Variants in LTBP1 observed in about 807,000 individuals in gnomAD.
The protein encoded by LTBP1 is latent-transforming growth factor beta-binding protein 1.
Under a neutral mutation model 207.6 loss-of-function variants are expected in LTBP1, and 129 were observed. The ratio of observed to expected loss-of-function variants is 0.62; its 90% CI spans 0.54 to 0.72. The LOEUF (loss-of-function observed/expected upper bound fraction) is 0.72. Among genes scored for constraint, LTBP1 ranks in the 30% least tolerant of loss-of-function variants. LTBP1 has a pLI of 0.00. For missense variants in LTBP1, 2,281 were observed against 2,217.2 expected, an observed-to-expected ratio of 1.03 and a Z score of -0.58; for synonymous variants, 963 against 833.7, an observed-to-expected ratio of 1.16 and a Z score of -2.67.
At chr2:33,315,361 T>C (rs919990046) in intron 24 of LTBP1, 92 bp downstream of exon 24, 2 of 1,476,696 alleles carry the variant, frequency 1.4e-6, no homozygotes, top group Non-Finnish European at 1.9e-6. Context: ...CACTAAGAGG[T>C]ACTGCATAAT....
intron 3 of LTBP1, among the ~76,000 whole-genome samples, chr2:33,103,015 GCTGTATGCATTGT>G (rs1300496292): frequency 2.6e-5 from 4 of 152,080 alleles, no homozygotes; most frequent in Admixed American, 2.6e-4. Context: ...CAGTCTGTAT[GCTGTATGCATTGT>G]CTGTATGCAT....
intron 7 of LTBP1, among the ~76,000 whole-genome samples, chr2:33,212,105 A>G (rs983771991): frequency 1.2e-4 from 19 of 152,200 alleles, no homozygotes; most frequent in Admixed American, 8.5e-4. Context: ...ATGTAGTAAC[A>G]TGGATATTTG....
At chr2:33,387,184 A>G (rs1051175030) in intron 31 of LTBP1, among the ~76,000 whole-genome samples, 27 of 152,236 alleles carry the variant, frequency 1.8e-4, no homozygotes, top group African/African-American at 6.5e-4. Context: ...TGTGGCTTCA[A>G]TATAAAATAT....
At chr2:33,328,912 A>G (rs547645807) in intron 24 of LTBP1, among the ~76,000 whole-genome samples, 33 of 152,316 alleles carry the variant, frequency 2.2e-4, no homozygotes, top group African/African-American at 7.7e-4. Flanking sequence ...TACATTATGT[A>G]TCCATTCTAC....
intron 19 of LTBP1, among the ~76,000 whole-genome samples, chr2:33,287,559 G>T (rs2148722534): frequency 6.6e-6 from 1 of 152,358 alleles, no homozygotes; most frequent in African/African-American, 2.4e-5. Flanking sequence ...TGCACCATAT[G>T]TAGTGGCAGT....
At chr2:33,375,716 T>G (rs1173665142) in intron 31 of LTBP1, among the ~76,000 whole-genome samples, 1 of 150,032 alleles carries the variant, frequency 6.7e-6, no homozygotes, top group Non-Finnish European at 1.5e-5. Flanking sequence ...TTTTTTTTTT[T>G]TTTTTTTAGT....
At chr2:33,176,150 TATA>T (rs1199298774) in intron 5 of LTBP1, among the ~76,000 whole-genome samples, 4 of 151,758 alleles carry the variant, frequency 2.6e-5, no homozygotes, top group East Asian at 1.9e-4. Flanking sequence ...AAGCTTAAAG[TATA>T]ATAATAATAA....
At chr2:32,957,038 G>A (rs995623251) in intron 2 of LTBP1, among the ~76,000 whole-genome samples, 1 of 152,120 alleles carries the variant, frequency 6.6e-6, no homozygotes, top group Admixed American at 6.5e-5. Flanking sequence ...CACACAGACT[G>A]TCATCCAGTC....
chr2:33,316,548 G>GGA (rs1418039520), intron 24 of LTBP1, among the ~76,000 whole-genome samples: 2 of 152,132 alleles, frequency 1.3e-5, no homozygotes, highest in Admixed American at 1.3e-4. Flanking sequence ...ACTAGAACTG[G>GGA]GAGAGAGAGA....
intron 3 of LTBP1, among the ~76,000 whole-genome samples, chr2:33,053,783 CCTAGA>C (rs2076858940): frequency 6.6e-6 from 1 of 152,186 alleles, no homozygotes; most frequent in Non-Finnish European, 1.5e-5. Context: ...GGGCCTTCGA[CCTAGA>C]CACCTTGTAC....
intron 11 of LTBP1, among the ~76,000 whole-genome samples, chr2:33,254,709 T>C (rs1371867879): frequency 7.2e-6 from 1 of 138,752 alleles, no homozygotes; most frequent in Non-Finnish European, 1.5e-5. Flanking sequence ...AACTCGTCAT[T>C]TAACATTAGG....
At chr2:32,988,654 C>T (rs1011400241) in intron 2 of LTBP1, among the ~76,000 whole-genome samples, 3 of 152,200 alleles carry the variant, frequency 2.0e-5, no homozygotes, top group Admixed American at 2.0e-4. Flanking sequence ...AAGCACGAGA[C>T]TTATTTCCTC....
intron 5 of LTBP1, among the ~76,000 whole-genome samples, chr2:33,184,620 C>T (rs764022989): frequency 2.0e-5 from 3 of 152,060 alleles, no homozygotes; most frequent in East Asian, 1.9e-4. Context: ...TTCCAGTTAC[C>T]GCTTATTTGC....
intron 27 of LTBP1, 34 bp from the exon 28 acceptor site, chr2:33,361,395 A>ATT: frequency 1.9e-6 from 2 of 1,030,568 alleles, no homozygotes; most frequent in South Asian, 1.5e-5. Flanking sequence ...AAGATGTTGA[A>ATT]TCTTTTTTTT....
At chr2:33,119,853 GGC>G (rs1237173330) in intron 4 of LTBP1, among the ~76,000 whole-genome samples, 4 of 152,134 alleles carry the variant, frequency 2.6e-5, no homozygotes, top group Non-Finnish European at 4.4e-5. Flanking sequence ...CACTGCGCCT[GGC>G]CTGTAAATAC....
At chr2:32,977,275 C>T (rs1430998020) in intron 2 of LTBP1, among the ~76,000 whole-genome samples, 1 of 152,182 alleles carries the variant, frequency 6.6e-6, no homozygotes, top group Non-Finnish European at 1.5e-5. Flanking sequence ...GGGTTGGAAG[C>T]TCTAGCAGGC....
intron 5 of LTBP1, among the ~76,000 whole-genome samples, chr2:33,149,940 T>C (rs72855704): frequency 0.012 from 1,774 of 152,302 alleles, 34 homozygotes; most frequent in African/African-American, 0.041. Context: ...TTGTTATTTC[T>C]AACCCAAACA....
intron 9 of LTBP1, among the ~76,000 whole-genome samples, chr2:33,232,186 G>A (rs1449534549): frequency 6.6e-6 from 1 of 152,186 alleles, no homozygotes; most frequent in African/African-American, 2.4e-5. Context: ...TTACCTAGGG[G>A]TTGGTGGAAG....
rs1293984970 is a variant in LTBP1 at position 33,222,120 on chromosome 2, T to C, written c.1845T>C (p.Gly615=). ...GYNQMMECLP[G]YKRVNNTFCQ... ...ACCAAATGATGGAATGCCTACCGGGTTATAAGCGGGTTAACAACACCTTTT... is the reference window on the plus strand; with the variant it reads ...ACCAAATGATGGAATGCCTACCGGGCTATAAGCGGGTTAACAACACCTTTT... Residue 615 remains glycine (G), a synonymous_variant, in exon 9 of 34, where the codon GGT becomes GGC. Transcript: ENST00000404816. 1 of 1,612,732 alleles carries C rather than the reference T, an allele frequency of 6.2e-7. No individual in the cohort carries two copies. The highest frequency in any genetic ancestry group is 1.1e-5 in the South Asian group (1 of 91,044).
Sources: gnomAD v4.1 joint callset for allele counts (sites outside exome capture counted in the v4.1 genomes callset) on GRCh38, gnomAD v4.1.1 for gene constraint, MANE v1.5 for transcripts, NCBI Gene and HGNC (gene_info 2026-07-23, HGNC 2026-07-21) for gene names.